BCL2: variants seen among roughly 807,000 people sequenced by gnomAD.
The protein encoded by BCL2 is BCL2 apoptosis regulator, also known as apoptosis regulator Bcl-2.
In BCL2, 1 loss-of-function variant was observed where a neutral mutation model predicts 14.2. The observed-to-expected ratio is 0.07, with a 90% CI of 0.02 to 0.33. The LOEUF (loss-of-function observed/expected upper bound fraction) is 0.33. Among genes scored for constraint, BCL2 ranks in the 10% least tolerant of loss-of-function variants. The pLI, the probability that BCL2 is intolerant of heterozygous loss-of-function variation, is 0.99. For missense variants in BCL2, 247 were observed against 305.9 expected, an observed-to-expected ratio of 0.81 and a Z score of 1.44; for synonymous variants, 151 against 137.2, an observed-to-expected ratio of 1.10 and a Z score of -0.70.
chr18:63,160,289 T>G (rs1914888366), intron 2 of BCL2, among the ~76,000 whole-genome samples: 1 of 152,130 alleles, frequency 6.6e-6, no homozygotes, highest in South Asian at 2.1e-4. Flanking sequence ...CGGGATTGGG[T>G]CCTGTTATGA....
chr18:63,308,276 C>T (rs191776504), intron 2 of BCL2, among the ~76,000 whole-genome samples: 8 of 152,252 alleles, frequency 5.3e-5, no homozygotes, highest in South Asian at 2.1e-4. Context: ...GGGAGAAGAA[C>T]GAGGGGATCA....
chr18:63,263,084 G>A (rs747601862), intron 2 of BCL2, among the ~76,000 whole-genome samples: 5 of 152,162 alleles, frequency 3.3e-5, no homozygotes, highest in Non-Finnish European at 7.3e-5. Context: ...AATCCTTCCC[G>A]GAAAACTGTG....
rs930153406 is a variant in BCL2, at chr18:63,128,909, C to T, written c.586-150G>A. Reference sequence around the variant, plus strand: ...GAAAAGGCAAATGCTCTTTGGAGGCCATGATTCAGAAACCACTGTTTTCAT... The same window carrying T: ...GAAAAGGCAAATGCTCTTTGGAGGCTATGATTCAGAAACCACTGTTTTCAT... On this transcript the variant is annotated intron_variant, in intron 2 of 2. Coordinates refer to ENST00000333681, the MANE Select transcript of BCL2 (RefSeq NM_000633.3). 5.1e-6 allele frequency: 3 copies of T among 586,616 alleles called. No homozygotes were observed. In the African/African-American group the frequency reaches 5.6e-5, roughly 11 times the overall value. The allele number at this position is 586,616 out of a possible 1,614,324, so 36.3% of individuals were successfully genotyped here.
intron 2 of BCL2, among the ~76,000 whole-genome samples, chr18:63,207,059 C>A (rs747685255): frequency 1.2e-4 from 18 of 152,204 alleles, no homozygotes; most frequent in Non-Finnish European, 2.4e-4. Context: ...GAGGAGATTT[C>A]ATGCTTCACC....
intron 2 of BCL2, among the ~76,000 whole-genome samples, chr18:63,174,226 C>T (rs541360742): frequency 1.1e-4 from 17 of 152,118 alleles, no homozygotes; most frequent in Non-Finnish European, 2.4e-4. Context: ...ACAAAGATTA[C>T]CTACTTCCTA....
At chr18:63,244,535 G>A (rs1055805975) in intron 2 of BCL2, among the ~76,000 whole-genome samples, 1 of 152,152 alleles carries the variant, frequency 6.6e-6, no homozygotes, top group Non-Finnish European at 1.5e-5. Context: ...CTCCAGCCTG[G>A]GTGACAGAGC....
Position 63,319,000 on chromosome 18 carries a change from G to C in BCL2, c.-286-48C>G. On this transcript the variant is annotated intron_variant, in intron 1 of 2. Coordinates refer to ENST00000333681, the MANE Select transcript of BCL2 (RefSeq NM_000633.3). The surrounding 1 kb of genome is among the most constrained non-coding windows in gnomAD (Gnocchi z 7.4). ...AACTAATAAGTAAAAAATCAGGTGC[G>C]TTTCCCTGTACACACTGAGTGAAAG... The C allele has an allele frequency of 4.9e-6, 6 of 1,231,584 alleles. No homozygotes were observed. Among genetic ancestry groups the C allele is most frequent in the Non-Finnish European group, 6.1e-6 (6 of 975,656 alleles). The allele number at this position is 1,231,584 out of a possible 1,614,324, so 76.3% of individuals were successfully genotyped here. A position where few individuals can be genotyped will look rare whatever the true frequency, so the allele number is the denominator to read the frequency against.
chr18:63,174,566 TC>T (rs1915304344), intron 2 of BCL2, among the ~76,000 whole-genome samples: 1 of 152,144 alleles, frequency 6.6e-6, no homozygotes, highest in Non-Finnish European at 1.5e-5. Context: ...ATGCCTGTAA[TC>T]CCAGCACTTT....
chr18:63,129,292 CT>C (rs71160900), intron 2 of BCL2, among the ~76,000 whole-genome samples: 43 of 145,128 alleles, frequency 3.0e-4, no homozygotes, highest in Non-Finnish European at 2.1e-4. Context: ...CTTTTTCTTT[CT>C]TTTTTTTTTT....
intron 2 of BCL2, among the ~76,000 whole-genome samples, chr18:63,202,996 G>A (rs1167820246): frequency 6.6e-6 from 1 of 152,138 alleles, no homozygotes; most frequent in Non-Finnish European, 1.5e-5. Flanking sequence ...GGGGACTGGC[G>A]ACCTGCTTGA....
intron 2 of BCL2, among the ~76,000 whole-genome samples, chr18:63,225,271 A>G (rs745350106): frequency 2.6e-5 from 4 of 152,234 alleles, no homozygotes; most frequent in Non-Finnish European, 4.4e-5. Context: ...AAATTGTAAT[A>G]TAACTACACT....
chr18:63,196,686 T>C (rs1034760250), intron 2 of BCL2, among the ~76,000 whole-genome samples: 1 of 152,230 alleles, frequency 6.6e-6, no homozygotes, highest in Non-Finnish European at 1.5e-5. Flanking sequence ...CGGCCCTTTA[T>C]CATACGGGAT....
At chr18:63,252,909 A>G (rs1911356422) in intron 2 of BCL2, among the ~76,000 whole-genome samples, 1 of 152,234 alleles carries the variant, frequency 6.6e-6, no homozygotes, top group African/African-American at 2.4e-5. Flanking sequence ...TAGAGTAGGT[A>G]GCAAGCAGAA....
intron 2 of BCL2, among the ~76,000 whole-genome samples, chr18:63,300,581 A>C (rs1037376927): frequency 2.6e-5 from 4 of 152,130 alleles, no homozygotes; most frequent in African/African-American, 7.2e-5. Context: ...AGATGACTGA[A>C]GCCTAAACTT....
intron 2 of BCL2, among the ~76,000 whole-genome samples, chr18:63,296,090 C>T (rs1912788031): frequency 6.6e-6 from 1 of 152,118 alleles, no homozygotes; most frequent in Non-Finnish European, 1.5e-5. Context: ...AGCTGCAGAG[C>T]ATGTTTGTGT....
chr18:63,283,944 A>G (rs962953456), intron 2 of BCL2, among the ~76,000 whole-genome samples: 9 of 152,154 alleles, frequency 5.9e-5, no homozygotes, highest in Non-Finnish European at 8.8e-5. Flanking sequence ...TCCTATTCCA[A>G]TGGAAAATCT....
At chr18:63,185,440 C>G (rs1239434884) in intron 2 of BCL2, among the ~76,000 whole-genome samples, 2 of 152,194 alleles carry the variant, frequency 1.3e-5, no homozygotes, top group Non-Finnish European at 2.9e-5. Flanking sequence ...AATATCCCTG[C>G]AAGGGAAAGG....
intron 2 of BCL2, among the ~76,000 whole-genome samples, chr18:63,285,563 C>T (rs1158711572): frequency 6.6e-6 from 1 of 152,150 alleles, no homozygotes; most frequent in Non-Finnish European, 1.5e-5. Flanking sequence ...TGGGTCACTG[C>T]CGGGGAGGTA....
At chr18:63,242,108 C>T (rs533900014) in intron 2 of BCL2, among the ~76,000 whole-genome samples, 3 of 104,888 alleles carry the variant, frequency 2.9e-5, no homozygotes, top group Admixed American at 1.1e-4. Context: ...CTACAGATTT[C>T]TTCTAAGAAG....
Sources: allele counts gnomAD v4.1 joint callset (sites outside exome capture counted in the v4.1 genomes callset), GRCh38; gene constraint gnomAD v4.1.1; non-coding constraint Gnocchi (gnomAD v3.1); transcripts MANE v1.5; gene names NCBI Gene and HGNC (gene_info 2026-07-23, HGNC 2026-07-21).